Variants in PRPF6 observed in about 807,000 individuals in gnomAD.
The protein encoded by PRPF6 is pre-mRNA-processing factor 6.
PRPF6 carries 42 observed loss-of-function variants against 118.3 expected under a neutral mutation model. That is an observed-to-expected ratio of 0.35 (90% CI 0.28 to 0.46). PRPF6 has a LOEUF of 0.46. Among genes scored for constraint, PRPF6 ranks in the 20% least tolerant of loss-of-function variants. The pLI, the probability that PRPF6 is intolerant of heterozygous loss-of-function variation, is 1.00. For missense variants in PRPF6, 662 were observed against 1,255.7 expected (o/e 0.53, Z 7.15); for synonymous variants, 481 against 485.1 (o/e 0.99, Z 0.11).
chr20:63,994,879 C>T (rs777392260), intron 4 of PRPF6, 37 bp from the exon 5 acceptor site: 25 of 1,613,422 alleles, frequency 1.5e-5, no homozygotes, highest in Non-Finnish European at 2.0e-5. Context: ...GAAATTCTGT[C>T]AGAGAATTAA....
intron 6 of PRPF6, among the ~76,000 whole-genome samples, chr20:63,998,717 C>T (rs1474593331): frequency 2.0e-5 from 3 of 148,188 alleles, no homozygotes; most frequent in Non-Finnish European, 3.0e-5. Context: ...TGGCGGGCGC[C>T]TGTAGTCCCA....
chr20:64,008,339 T>G (rs905991381), intron 9 of PRPF6, among the ~76,000 whole-genome samples: 1 of 152,210 alleles, frequency 6.6e-6, no homozygotes, highest in Non-Finnish European at 1.5e-5. Context: ...CATGTGGGTC[T>G]CGTTTCCTGT....
chr20:64,004,314 G>C (rs931536880), intron 9 of PRPF6, among the ~76,000 whole-genome samples: 1 of 152,254 alleles, frequency 6.6e-6, no homozygotes, highest in Non-Finnish European at 1.5e-5. Flanking sequence ...GGATCTCCAG[G>C]ATGGCCTTTG....
rs753635573 is a variant in PRPF6, at chr20:63,999,076, T to C, written c.803T>C (p.Val268Ala). Residue 268 changes from valine to alanine, a missense_variant, in exon 7 of 21, where the codon GTT becomes GCT. Physicochemically the swap from Val to Ala is moderately conservative, Grantham distance 64. Transcript: ENST00000266079. ...VSDSVSGQTV[V>A]DPKGYLTDLN... is the part of the protein sequence containing the mutation. ...GACTCCGTGAGTGGACAGACCGTCGTTGACCCCAAAGGCTACCTGACGGAT... is the reference window on the plus strand; with the variant it reads ...GACTCCGTGAGTGGACAGACCGTCGCTGACCCCAAAGGCTACCTGACGGAT... The C allele has an allele frequency of 6.2e-7, 1 of 1,613,860 alleles. No homozygotes were observed. The highest frequency in any genetic ancestry group is 8.5e-7 in the Non-Finnish European group (1 of 1,179,930).
intron 3 of PRPF6, among the ~76,000 whole-genome samples, chr20:63,991,576 G>A (rs1250643785): frequency 6.6e-6 from 1 of 152,058 alleles, no homozygotes; most frequent in Non-Finnish European, 1.5e-5. Flanking sequence ...CAGATCATGA[G>A]GTCAGGAGAT....
chr20:64,017,177 C>T (rs2059242180), intron 12 of PRPF6, among the ~76,000 whole-genome samples: 1 of 152,244 alleles, frequency 6.6e-6, no homozygotes, highest in African/African-American at 2.4e-5. Context: ...CTCCTGACCT[C>T]GTGATCCACC....
chr20:64,022,664 C>A, intron 12 of PRPF6, 93 bp from the exon 13 acceptor site: 1 of 1,562,942 alleles, frequency 6.4e-7, no homozygotes, highest in Non-Finnish European at 8.8e-7. Flanking sequence ...CAGATATCAT[C>A]TTTCAGAATC....
At chr20:63,982,123 G>C (rs1166960640) in intron 1 of PRPF6, among the ~76,000 whole-genome samples, 1 of 152,108 alleles carries the variant, frequency 6.6e-6, no homozygotes, top group African/African-American at 2.4e-5. Flanking sequence ...TGAGCGTCAG[G>C]CTAGAGCTCC....
intron 9 of PRPF6, among the ~76,000 whole-genome samples, chr20:64,003,413 G>A (rs962780394): frequency 3.3e-5 from 5 of 152,148 alleles, no homozygotes; most frequent in Non-Finnish European, 7.4e-5. Context: ...TTGGTAGAAA[G>A]CCCCTTATCA....
At position 64,022,819 on chromosome 20, in the gene PRPF6, C is replaced by A. The variant is rs758142607; in HGVS notation, c.1710C>A (p.Phe570Leu). 1 of 1,613,994 alleles carries A rather than the reference C, an allele frequency of 6.2e-7. No individual in the cohort carries two copies. The highest frequency in any genetic ancestry group is 8.5e-7 in the Non-Finnish European group (1 of 1,180,034). ...RAIYAYALQVFPSKKSVWLRA... is the reference protein window; with the variant it reads ...RAIYAYALQVLPSKKSVWLRA... The stretch of plus-strand genomic sequence containing the variant: ...TCTACGCCTACGCCCTGCAGGTGTT[C>A]CCCAGCAAGAAGAGTGTGTGGCTGC... The change falls in exon 13 of 21, where the codon TTC (phenylalanine) becomes TTA (leucine). Residue 570 changes from phenylalanine to leucine, a missense_variant. By Grantham distance (22) the Phe-to-Leu change is conservative. Coordinates refer to ENST00000266079, the MANE Select transcript of PRPF6 (RefSeq NM_012469.4).
intron 6 of PRPF6, among the ~76,000 whole-genome samples, chr20:63,998,841 CA>C (rs543676271): frequency 0.18 from 18,372 of 103,682 alleles, 1,289 homozygotes; most frequent in Non-Finnish European, 0.24. Flanking sequence ...GACTCCATCT[CA>C]AAAAAAAAAA....
At chr20:64,031,605 A>G (rs1374121396) in intron 19 of PRPF6, among the ~76,000 whole-genome samples, 1 of 150,686 alleles carries the variant, frequency 6.6e-6, no homozygotes, top group Non-Finnish European at 1.5e-5. Flanking sequence ...CCTGGGAGGC[A>G]GAGCTTGCAG....
At chr20:64,020,072 C>T (rs2059255863) in intron 12 of PRPF6, among the ~76,000 whole-genome samples, 1 of 152,178 alleles carries the variant, frequency 6.6e-6, no homozygotes, top group African/African-American at 2.4e-5. Context: ...GACCCACTTC[C>T]TGGTGGCCTC....
chr20:64,024,445 G>C, intron 13 of PRPF6, 110 bp from the exon 14 acceptor site: 2 of 1,417,080 alleles, frequency 1.4e-6, no homozygotes, highest in Non-Finnish European at 2.0e-6. Context: ...TTATAGCATC[G>C]AACTTTGGAG....
chr20:63,993,096 A>G (rs2122999328), intron 3 of PRPF6, among the ~76,000 whole-genome samples: 1 of 151,450 alleles, frequency 6.6e-6, no homozygotes, highest in South Asian at 2.1e-4. Context: ...AGCACCTGTA[A>G]TCCCAGCTAC....
intron 9 of PRPF6, among the ~76,000 whole-genome samples, chr20:64,006,062 T>C (rs1263120090): frequency 2.0e-5 from 3 of 152,104 alleles, no homozygotes; most frequent in Non-Finnish European, 4.4e-5. Context: ...CCCCAAAGGG[T>C]CTGACTTGTT....
intron 11 of PRPF6, among the ~76,000 whole-genome samples, chr20:64,016,019 G>A (rs2059235905): frequency 6.6e-6 from 1 of 152,154 alleles, no homozygotes. Flanking sequence ...TCGGGAGGCT[G>A]AGGTGAGAGT....
intron 3 of PRPF6, among the ~76,000 whole-genome samples, chr20:63,991,529 C>G (rs1172097263): frequency 6.6e-6 from 1 of 152,094 alleles, no homozygotes; most frequent in Non-Finnish European, 1.5e-5. Flanking sequence ...CGGTGGCTCA[C>G]ACCTATAATC....
At chr20:63,985,936 C>G (rs1429846536) in intron 3 of PRPF6, among the ~76,000 whole-genome samples, 1 of 152,150 alleles carries the variant, frequency 6.6e-6, no homozygotes, top group African/African-American at 2.4e-5. Context: ...CAAAACCAGA[C>G]AAAGACACAC....
Sources: allele counts gnomAD v4.1 joint callset (sites outside exome capture counted in the v4.1 genomes callset), GRCh38; gene constraint gnomAD v4.1.1; transcripts MANE v1.5; gene names NCBI Gene and HGNC (gene_info 2026-07-23, HGNC 2026-07-21).